The following MYLK variants were observed in gnomAD, a reference collection of about 807,000 sequenced individuals.
MYLK encodes myosin light chain kinase, smooth muscle.
MYLK carries 106 observed loss-of-function variants against 203.4 expected under a neutral mutation model. That is an observed-to-expected ratio of 0.52 (90% CI 0.45 to 0.61). The LOEUF is 0.61. Among genes scored for constraint, MYLK ranks in the 20% least tolerant of loss-of-function variants. The pLI is 0.00. For synonymous variants in MYLK, 867 were observed against 959.5 expected, an observed-to-expected ratio of 0.90 and a Z score of 1.78; for missense variants, 2,072 against 2,442.3, an observed-to-expected ratio of 0.85 and a Z score of 3.20.
intron 13 of MYLK, among the ~76,000 whole-genome samples, chr3:123,721,010 A>G (rs1162078516): frequency 6.6e-6 from 1 of 152,256 alleles, no homozygotes; most frequent in East Asian, 1.9e-4. Flanking sequence ...TAGGCAAGTT[A>G]CATTCAATTC....
At chr3:123,792,375 A>G (rs935889136) in intron 4 of MYLK, among the ~76,000 whole-genome samples, 5 of 152,214 alleles carry the variant, frequency 3.3e-5, no homozygotes, top group African/African-American at 1.2e-4. Flanking sequence ...TTGTACAACC[A>G]CCAGTACTAA....
At chr3:123,707,395 G>A (rs2061500488) in intron 16 of MYLK, among the ~76,000 whole-genome samples, 1 of 152,208 alleles carries the variant, frequency 6.6e-6, no homozygotes, top group African/African-American at 2.4e-5. Flanking sequence ...CTAAGTTTCA[G>A]GGTAATTTGT....
Position 123,612,028 on chromosome 3 carries a change from G to A in MYLK, c.*2077C>T, listed in dbSNP as rs1239390740. ...CTGGTTCCTAACAGGCTACTTACCG[G>A]GGGTTGGGGACACCTGCTCTATAAG... On this transcript the variant is annotated 3_prime_UTR_variant, in exon 34 of 34. Coordinates refer to ENST00000360304, the MANE Select transcript of MYLK (RefSeq NM_053025.4). The A allele has an allele frequency of 6.6e-6, 1 of 152,252 alleles. No homozygotes were observed. Among genetic ancestry groups the A allele is most frequent in the African/African-American group, 2.4e-5 (1 of 41,396 alleles). The allele number at this position is 152,252 out of a possible 1,614,324, so 9.4% of individuals were successfully genotyped here.
At chr3:123,677,023 A>G (rs765260500) in intron 20 of MYLK, among the ~76,000 whole-genome samples, 1 of 152,006 alleles carries the variant, frequency 6.6e-6, no homozygotes, top group Non-Finnish European at 1.5e-5. Context: ...CCTCACGCAA[A>G]ATTCCCAAGA....
intron 1 of MYLK, among the ~76,000 whole-genome samples, chr3:123,879,563 C>A (rs2033386150): frequency 6.6e-6 from 1 of 152,046 alleles, no homozygotes; most frequent in African/African-American, 2.4e-5. Flanking sequence ...TTCTAATTAC[C>A]TATGTGTTAG....
chr3:123,698,177 A>T (rs2061011093), intron 18 of MYLK, among the ~76,000 whole-genome samples: 1 of 152,196 alleles, frequency 6.6e-6, no homozygotes, highest in South Asian at 2.1e-4. Flanking sequence ...CTGAGGCTGG[A>T]GCAGCCACAG....
intron 4 of MYLK, among the ~76,000 whole-genome samples, chr3:123,789,845 G>A (rs1451158834): frequency 1.3e-5 from 2 of 152,056 alleles, no homozygotes; most frequent in Non-Finnish European, 1.5e-5. Context: ...TGAATTCTTC[G>A]AGAATGATTT....
At chr3:123,862,366 C>T (rs2148691614) in intron 2 of MYLK, among the ~76,000 whole-genome samples, 1 of 152,328 alleles carries the variant, frequency 6.6e-6, no homozygotes, top group Non-Finnish European at 1.5e-5. Flanking sequence ...CATTATTGAG[C>T]TACTATTCTA....
At chr3:123,633,760 C>T (rs538489550) in intron 29 of MYLK, among the ~76,000 whole-genome samples, 2 of 152,280 alleles carry the variant, frequency 1.3e-5, no homozygotes, top group African/African-American at 4.8e-5. Context: ...GATGTGGAAG[C>T]CTGTTTGGCT....
At chr3:123,692,305 C>T (rs892156990) in intron 19 of MYLK, 57 of 1,138,622 alleles carry the variant, frequency 5.0e-5, no homozygotes, top group East Asian at 1.2e-4. Context: ...GTCTCCCACA[C>T]GGACCTCGCT....
chr3:123,762,234 T>A (rs1196240917), intron 4 of MYLK, among the ~76,000 whole-genome samples: 2 of 152,056 alleles, frequency 1.3e-5, no homozygotes, highest in East Asian at 3.9e-4. Flanking sequence ...ATATTCTTTT[T>A]TTTTTCTTTT....
chr3:123,757,452 T>C (rs2108906200), intron 4 of MYLK, among the ~76,000 whole-genome samples: 1 of 152,238 alleles, frequency 6.6e-6, no homozygotes. Flanking sequence ...AGGGCACAGC[T>C]GCGGTGGCCC....
intron 33 of MYLK, among the ~76,000 whole-genome samples, chr3:123,614,602 C>T (rs1367441526): frequency 6.6e-6 from 1 of 152,154 alleles, no homozygotes; most frequent in Non-Finnish European, 1.5e-5. Context: ...AGCACCACAT[C>T]CCACCTATTA....
chr3:123,650,219 A>G (rs1180654516), intron 24 of MYLK, among the ~76,000 whole-genome samples: 1 of 152,186 alleles, frequency 6.6e-6, no homozygotes, highest in South Asian at 2.1e-4. Context: ...TGTAAGAGGA[A>G]GGGTTGCACC....
At chr3:123,691,561 T>G (rs1215265525) in intron 19 of MYLK, 1 of 152,240 alleles carries the variant, frequency 6.6e-6, no homozygotes, top group Non-Finnish European at 1.5e-5. Context: ...TCTCTCCCAT[T>G]CATCATGTTC....
At chr3:123,817,238 G>A (rs149168200) in intron 3 of MYLK, among the ~76,000 whole-genome samples, 1 of 152,188 alleles carries the variant, frequency 6.6e-6, no homozygotes, top group Non-Finnish European at 1.5e-5. Flanking sequence ...ACTGGGCTAA[G>A]CATCACTCTT....
intron 4 of MYLK, among the ~76,000 whole-genome samples, chr3:123,757,811 ACTGT>A (rs1334887233): frequency 6.6e-6 from 1 of 152,174 alleles, no homozygotes; most frequent in Non-Finnish European, 1.5e-5. Context: ...ATTCTGCAAC[ACTGT>A]CTATGTATTC....
At chr3:123,628,262 A>T (rs1474152738) in intron 30 of MYLK, among the ~76,000 whole-genome samples, 1 of 152,204 alleles carries the variant, frequency 6.6e-6, no homozygotes, top group Non-Finnish European at 1.5e-5. Context: ...AGCCTGACAG[A>T]GCCATCTGAG....
chr3:123,657,024 G>A, intron 24 of MYLK, 102 bp downstream of exon 24: 1 of 1,340,098 alleles, frequency 7.5e-7, no homozygotes, highest in Non-Finnish European at 1.1e-6. Flanking sequence ...CATCATTAAT[G>A]TTTCCTCAGT....
Sources: gnomAD v4.1 joint callset for allele counts (sites outside exome capture counted in the v4.1 genomes callset) on GRCh38, gnomAD v4.1.1 for gene constraint, MANE v1.5 for transcripts, NCBI Gene and HGNC (gene_info 2026-07-23, HGNC 2026-07-21) for gene names.